DZANK1: variants seen among roughly 807,000 people sequenced by gnomAD.
DZANK1 encodes double zinc ribbon and ankyrin repeat-containing protein 1.
A neutral mutation model predicts 94.5 loss-of-function variants in DZANK1; 91 were observed. The ratio of observed to expected loss-of-function variants is 0.96; its 90% CI spans 0.81 to 1.15. The LOEUF (loss-of-function observed/expected upper bound fraction) is 1.15. DZANK1 is among the 50% of genes most tolerant of loss of function. DZANK1 has a pLI of 0.00. For synonymous variants in DZANK1, 312 were observed against 325.3 expected, an observed-to-expected ratio of 0.96 and a Z score of 0.44; for missense variants, 903 against 916.4, an observed-to-expected ratio of 0.99 and a Z score of 0.19.
intron 9 of DZANK1, 67 bp from the exon 10 acceptor site, chr20:18,427,226 C>A: frequency 1.6e-6 from 2 of 1,258,030 alleles, no homozygotes; most frequent in South Asian, 1.4e-5. Flanking sequence ...AATCATCAAC[C>A]AGTCTTTTCT....
exon 7 of DZANK1, chr20:18,449,027 T>C (rs1375570386): frequency 6.2e-7 from 1 of 1,613,970 alleles, no homozygotes. Context: ...ATCTCCGTGC[T>C]TGTCAAACAC....
At chr20:18,415,085 G>C (rs2057425401) in intron 11 of DZANK1, among the ~76,000 whole-genome samples, 1 of 152,152 alleles carries the variant, frequency 6.6e-6, no homozygotes, top group African/African-American at 2.4e-5. Context: ...TTTAAAAAAT[G>C]CCAGTAGTCA....
At chr20:18,410,870 G>A (rs1410121047) in intron 13 of DZANK1, among the ~76,000 whole-genome samples, 1 of 152,208 alleles carries the variant, frequency 6.6e-6, no homozygotes, top group East Asian at 1.9e-4. Flanking sequence ...AGGATCACTT[G>A]AACCCAGGAG....
At chr20:18,439,264 A>T (rs1261776577) in intron 8 of DZANK1, among the ~76,000 whole-genome samples, 1 of 152,186 alleles carries the variant, frequency 6.6e-6, no homozygotes, top group African/African-American at 2.4e-5. Flanking sequence ...CCCTTGGGGA[A>T]GCGTTCAAGG....
At chr20:18,414,432 A>G in exon 12 of DZANK1, 1 of 1,613,874 alleles carries the variant, frequency 6.2e-7, no homozygotes, top group Non-Finnish European at 8.5e-7. Flanking sequence ...CACAAATACC[A>G]CAGGAGCCAC....
chr20:18,459,076 T>C (rs1226435650), intron 3 of DZANK1, among the ~76,000 whole-genome samples: 1 of 152,188 alleles, frequency 6.6e-6, no homozygotes, highest in Admixed American at 6.5e-5. Flanking sequence ...GCATAGTCAG[T>C]CATTAAATTG....
intron 9 of DZANK1, among the ~76,000 whole-genome samples, chr20:18,429,459 C>G (rs1476519255): frequency 6.6e-6 from 1 of 152,160 alleles, no homozygotes; most frequent in Non-Finnish European, 1.5e-5. Flanking sequence ...TTAAGGTTCA[C>G]AGCAAAATTG....
chr20:18,393,832 A>C, intron 16 of DZANK1, 21 bp from the exon 17 acceptor site: 1 of 1,507,550 alleles, frequency 6.6e-7, no homozygotes, highest in Non-Finnish European at 9.2e-7. Context: ...ACAGTTGGGG[A>C]AAAAAATGAT....
At chr20:18,395,569 A>G (rs932837150) in intron 15 of DZANK1, among the ~76,000 whole-genome samples, 3 of 152,176 alleles carry the variant, frequency 2.0e-5, no homozygotes, top group Non-Finnish European at 4.4e-5. Context: ...TGCCCTCAGT[A>G]GGTGGATGCT....
At chr20:18,414,231 G>A (rs1161389662) in intron 12 of DZANK1, 117 bp downstream of exon 12, 3 of 1,208,512 alleles carry the variant, frequency 2.5e-6, no homozygotes, top group Non-Finnish European at 2.3e-6. Flanking sequence ...GAAATTCCAT[G>A]TGAAAGTTCT....
chr20:18,452,628 G>A, exon 6 of DZANK1: 1 of 1,595,850 alleles, frequency 6.3e-7, no homozygotes, highest in Non-Finnish European at 8.5e-7. Context: ...GGACTGGCGG[G>A]TGGGTGGTCT....
chr20:18,437,989 C>T (rs915803778), intron 8 of DZANK1, among the ~76,000 whole-genome samples: 8 of 151,786 alleles, frequency 5.3e-5, no homozygotes, highest in African/African-American at 1.7e-4. Flanking sequence ...GAGGCCGAGG[C>T]GGGCGGATCA....
In DZANK1 at chr20:18,409,580, A is replaced by ACAC. The variant is rs749422278; in HGVS notation, c.1432+3063_1432+3065dup. Among the ~76,000 whole-genome samples, 3 of 138,272 alleles carry ACAC rather than the reference A, an allele frequency of 2.2e-5. No individual in the cohort carries two copies. In the South Asian group the frequency reaches 7.1e-4, roughly 33 times the overall value. The allele number at this position is 138,272 out of a possible 152,430, so 90.7% of individuals were successfully genotyped here. ...CACACACACACACACACACACACAC[A>ACAC]CACCACCACCACCACCATCACCACC... On this transcript the variant is annotated intron_variant, in intron 13 of 20. Transcript: ENST00000262547.
chr20:18,394,707 C>A (rs771856536), intron 15 of DZANK1: 1 of 504,142 alleles, frequency 2.0e-6, no homozygotes. Flanking sequence ...TGTGTCATTT[C>A]TCTGCTTAAA....
At chr20:18,399,891 C>T (rs1487585309) in intron 13 of DZANK1, among the ~76,000 whole-genome samples, 2 of 152,166 alleles carry the variant, frequency 1.3e-5, no homozygotes, top group Non-Finnish European at 2.9e-5. Flanking sequence ...CACATTGGAT[C>T]CCACCAACAA....
exon 7 of DZANK1, chr20:18,449,011 C>T: frequency 6.2e-7 from 1 of 1,613,060 alleles, no homozygotes; most frequent in Non-Finnish European, 8.5e-7. Flanking sequence ...CCTTTGAATT[C>T]TCATTATCTC....
At chr20:18,426,076 C>G (rs925459899) in intron 10 of DZANK1, among the ~76,000 whole-genome samples, 1 of 152,154 alleles carries the variant, frequency 6.6e-6, no homozygotes, top group Non-Finnish European at 1.5e-5. Context: ...CCCCAACCCC[C>G]GGGCCATGGA....
In DZANK1 at chr20:18,438,197, T is replaced by C. The variant is rs191071809; in HGVS notation, c.748-4432A>G. 3.0e-3 allele frequency among the ~76,000 whole-genome samples: 326 copies of C among 109,868 alleles called. 5 individuals carry two copies. The Admixed American group carries it at 0.038, about 13-fold the overall frequency. The allele number at this position is 109,868 out of a possible 152,430, so 72.1% of individuals were successfully genotyped here. A position where few individuals can be genotyped will look rare whatever the true frequency, so the allele number is the denominator to read the frequency against. On this transcript the variant is annotated intron_variant, in intron 8 of 20. Coordinates refer to ENST00000262547, the Ensembl canonical transcript of DZANK1. ...TCATGTCACTGCACTCCAGCCTGGGTGACAGAGTGAGACTCTGTCTCAAAA... is the reference window on the plus strand; with the variant it reads ...TCATGTCACTGCACTCCAGCCTGGGCGACAGAGTGAGACTCTGTCTCAAAA...
chr20:18,429,981 C>A (rs866238939), intron 9 of DZANK1, among the ~76,000 whole-genome samples: 4 of 152,136 alleles, frequency 2.6e-5, no homozygotes, highest in Non-Finnish European at 5.9e-5. Context: ...AAGTCAATAT[C>A]CTCATTTGCT....
Sources: allele counts gnomAD v4.1 joint callset (sites outside exome capture counted in the v4.1 genomes callset), GRCh38; gene constraint gnomAD v4.1.1; transcripts MANE v1.5; gene names NCBI Gene and HGNC (gene_info 2026-07-23, HGNC 2026-07-21).